The following CTNNA3 variants were observed in gnomAD, a reference collection of about 807,000 sequenced individuals.
The protein encoded by CTNNA3 is catenin alpha-3.
A neutral mutation model predicts 95.7 loss-of-function variants in CTNNA3; 76 were observed. That is an observed-to-expected ratio of 0.79 (90% CI 0.66 to 0.96). The LOEUF (loss-of-function observed/expected upper bound fraction) is 0.96, where lower values mean the gene tolerates loss of function less well. Among genes scored for constraint, CTNNA3 ranks in the 40% least tolerant of loss-of-function variants. The probability of loss-of-function intolerance (pLI) is 0.00; values close to 1 mark genes in which losing one functional copy is unlikely to be tolerated. For synonymous variants in CTNNA3, 431 were observed against 374.4 expected (o/e 1.15, Z -1.74); for missense variants, 1,191 against 1,089.8 (o/e 1.09, Z -1.31).
intron 5 of CTNNA3, among the ~76,000 whole-genome samples, chr10:67,391,746 C>A (rs1234775065): frequency 6.7e-6 from 1 of 148,506 alleles, no homozygotes; most frequent in Non-Finnish European, 1.5e-5. Flanking sequence ...TCAGAAATAA[C>A]GCCGCATATC....
chr10:67,493,555 C>G (rs1284204062), intron 5 of CTNNA3, among the ~76,000 whole-genome samples: 1 of 117,574 alleles, frequency 8.5e-6, no homozygotes, highest in Non-Finnish European at 1.7e-5. Flanking sequence ...GAGCGAGACT[C>G]TGTCTCAAAA....
chr10:66,581,055 A>C lies in CTNNA3; in HGVS notation c.1374+40637T>G, dbSNP rs375955155. Among the ~76,000 whole-genome samples, 26 of 151,840 alleles carry C rather than the reference A, an allele frequency of 1.7e-4. No individual in the cohort carries two copies. The East Asian group carries it at 3.9e-3, about 23-fold the overall frequency. On this transcript the variant is annotated intron_variant, in intron 10 of 17. Coordinates refer to ENST00000433211, the MANE Select transcript of CTNNA3 (RefSeq NM_013266.4). ...AGAATAATGGCCTCTAGTTCCAACC[A>C]AGTTGCCACAAAATACATTATTCCA...
At chr10:67,441,218 A>G (rs1167281003) in intron 5 of CTNNA3, among the ~76,000 whole-genome samples, 1 of 151,858 alleles carries the variant, frequency 6.6e-6, no homozygotes, top group South Asian at 2.1e-4. Context: ...AGAAAGAATC[A>G]GTGAGCTTGA....
At chr10:67,231,587 GA>G (rs1263761007) in intron 5 of CTNNA3, among the ~76,000 whole-genome samples, 1 of 152,176 alleles carries the variant, frequency 6.6e-6, no homozygotes, top group African/African-American at 2.4e-5. Flanking sequence ...AAACAGAGCA[GA>G]AAAATTGGAA....
intron 13 of CTNNA3, among the ~76,000 whole-genome samples, chr10:66,117,429 T>C (rs879138512): frequency 2.6e-5 from 4 of 152,176 alleles, no homozygotes; most frequent in Admixed American, 2.6e-4. Flanking sequence ...TACAAGATCA[T>C]TTTTAATCAA....
rs549559113 is a variant in CTNNA3, at chr10:67,345,220, A to G, written c.580-125350T>C. Among the ~76,000 whole-genome samples, 276 of 152,098 alleles carry G rather than the reference A, an allele frequency of 1.8e-3. 1 individual carries two copies. Among genetic ancestry groups the G allele is most frequent in the African/African-American group, 6.3e-3 (262 of 41,542 alleles). ...GTCAGAGAAGATGCTTGATATTTCA[A>G]TTCTTTTGAATGTTTTAAGACTTGT... On this transcript the variant is annotated intron_variant, in intron 5 of 17. Transcript: ENST00000433211.
Position 66,069,433 on chromosome 10 carries a change from A to G in CTNNA3, c.2034T>C (p.Ala678=), listed in dbSNP as rs762060853. The G allele has an allele frequency of 1.9e-6, 3 of 1,613,574 alleles. No homozygotes were observed. The highest frequency in any genetic ancestry group is 2.5e-6 in the Non-Finnish European group (3 of 1,179,716). The change falls in exon 15 of 18, where the codon GCT becomes GCC. Residue 678 remains alanine (A), a synonymous_variant. Coordinates refer to ENST00000433211, the MANE Select transcript of CTNNA3 (RefSeq NM_013266.4). ...GCTTACTCTTTACTTTCTTGAAATC[A>G]GCAACTTGCTCAGCAATCTTTTCTT... ...AEKEKIAEQV[A]DFKKVKSKLD...
At chr10:66,202,191 T>G (rs1374512519) in intron 13 of CTNNA3, among the ~76,000 whole-genome samples, 1 of 152,216 alleles carries the variant, frequency 6.6e-6, no homozygotes, top group African/African-American at 2.4e-5. Flanking sequence ...ACATCCTACA[T>G]TGCTTTTATT....
chr10:66,539,337 T>A (rs958027689), intron 10 of CTNNA3, among the ~76,000 whole-genome samples: 1 of 152,076 alleles, frequency 6.6e-6, no homozygotes, highest in African/African-American at 2.4e-5. Context: ...AAATCTACAT[T>A]TACATAAGAT....
intron 11 of CTNNA3, among the ~76,000 whole-genome samples, chr10:66,439,189 T>C (rs948673306): frequency 6.6e-6 from 1 of 152,196 alleles, no homozygotes; most frequent in African/African-American, 2.4e-5. Flanking sequence ...GGTTGTAATC[T>C]AATTATAACT....
At chr10:67,599,966 G>A (rs1277614793) in intron 3 of CTNNA3, among the ~76,000 whole-genome samples, 1 of 152,064 alleles carries the variant, frequency 6.6e-6, no homozygotes, top group Non-Finnish European at 1.5e-5. Flanking sequence ...CAGTAATTAG[G>A]ACTATTGTGG....
At chr10:67,613,598 G>A (rs1467863054) in intron 2 of CTNNA3, among the ~76,000 whole-genome samples, 10 of 151,832 alleles carry the variant, frequency 6.6e-5, no homozygotes, top group African/African-American at 2.4e-4. Flanking sequence ...ATGTAATCTA[G>A]GATCAAGTAT....
chr10:66,724,860 T>C (rs1017854464), intron 9 of CTNNA3, among the ~76,000 whole-genome samples: 1 of 152,138 alleles, frequency 6.6e-6, no homozygotes, highest in Non-Finnish European at 1.5e-5. Flanking sequence ...TAACCTACCA[T>C]ATCCTGAGCA....
At chr10:67,275,135 G>A (rs1839138588) in intron 5 of CTNNA3, among the ~76,000 whole-genome samples, 1 of 152,140 alleles carries the variant, frequency 6.6e-6, no homozygotes, top group Admixed American at 6.6e-5. Flanking sequence ...TTGCTAAGTG[G>A]TGGGCACTCT....
intron 6 of CTNNA3, among the ~76,000 whole-genome samples, chr10:67,195,223 T>C (rs1039264258): frequency 2.0e-5 from 3 of 152,096 alleles, no homozygotes; most frequent in East Asian, 1.9e-4. Context: ...ACTCAAAAGG[T>C]AAATTATGAA....
intron 7 of CTNNA3, among the ~76,000 whole-genome samples, chr10:67,166,149 T>C (rs568683058): frequency 3.1e-4 from 47 of 152,316 alleles, no homozygotes; most frequent in African/African-American, 1.1e-3. Flanking sequence ...ATAAATTATA[T>C]AATCACTAGG....
At chr10:67,690,840 A>G (rs1840831641) in intron 1 of CTNNA3, among the ~76,000 whole-genome samples, 2 of 151,614 alleles carry the variant, frequency 1.3e-5, no homozygotes, top group African/African-American at 4.9e-5. Context: ...TCCTTCATCT[A>G]GAAAGTCTTG....
intron 1 of CTNNA3, among the ~76,000 whole-genome samples, chr10:67,661,244 A>C (rs1840178177): frequency 6.6e-6 from 1 of 151,938 alleles, no homozygotes; most frequent in African/African-American, 2.4e-5. Context: ...CTAAAACAAA[A>C]AAAAAAGAGA....
chr10:67,685,550 C>T (rs1840714524), intron 1 of CTNNA3, among the ~76,000 whole-genome samples: 1 of 152,170 alleles, frequency 6.6e-6, no homozygotes, highest in East Asian at 1.9e-4. Flanking sequence ...TGTTAGGAAA[C>T]TTGCTGTGTT....
Sources: gnomAD v4.1 joint callset for allele counts (sites outside exome capture counted in the v4.1 genomes callset) on GRCh38, gnomAD v4.1.1 for gene constraint, MANE v1.5 for transcripts, NCBI Gene and HGNC (gene_info 2026-07-23, HGNC 2026-07-21) for gene names.